FAM13A: variants seen among roughly 807,000 people sequenced by gnomAD.
FAM13A encodes the protein protein FAM13A.
Under a neutral mutation model 129.6 loss-of-function variants are expected in FAM13A, and 76 were observed. The observed-to-expected ratio is 0.59, with a 90% CI of 0.49 to 0.71. The LOEUF (loss-of-function observed/expected upper bound fraction) is 0.71. FAM13A is among the 30% of genes least tolerant of loss of function. FAM13A has a pLI of 0.00. For synonymous variants in FAM13A, 443 were observed against 449.9 expected (o/e 0.98, Z 0.20); for missense variants, 1,108 against 1,249.3 (o/e 0.89, Z 1.70).
chr4:88,990,971 A>G lies in FAM13A; in HGVS notation c.605+2T>C, dbSNP rs775255593. On this transcript the variant is annotated splice_donor_variant, in intron 4 of 23. Transcript: ENST00000264344. LOFTEE classifies it high-confidence loss of function. ...ATTAACAGTAAAACTCCACTAACTT[A>G]CTGAAAGCAATTTGGCCCAAATACA... 9.9e-6 allele frequency: 16 copies of G among 1,612,478 alleles called. No homozygotes were observed. The Admixed American group carries it at 1.5e-4, about 15-fold the overall frequency.
At chr4:88,888,663 C>T (rs1370850556) in intron 6 of FAM13A, among the ~76,000 whole-genome samples, 1 of 151,960 alleles carries the variant, frequency 6.6e-6, no homozygotes, top group Non-Finnish European at 1.5e-5. Context: ...CGGTGGCTCA[C>T]GCCTGTAATC....
intron 7 of FAM13A, among the ~76,000 whole-genome samples, chr4:88,807,467 T>C (rs1303485355): frequency 6.6e-6 from 1 of 152,194 alleles, no homozygotes; most frequent in African/African-American, 2.4e-5. Flanking sequence ...AGTCTCAGAG[T>C]GAGTACATAA....
intron 1 of FAM13A, among the ~76,000 whole-genome samples, chr4:89,044,984 C>G (rs1245836724): frequency 6.6e-6 from 1 of 151,994 alleles, no homozygotes; most frequent in Non-Finnish European, 1.5e-5. Context: ...ATAAAAAGTT[C>G]TTGAAATGGA....
At chr4:88,875,136 T>C (rs1167115090) in intron 6 of FAM13A, among the ~76,000 whole-genome samples, 1 of 152,138 alleles carries the variant, frequency 6.6e-6, no homozygotes, top group Admixed American at 6.5e-5. Flanking sequence ...ATACAAAAAT[T>C]AATTCAAGAT....
At chr4:88,999,223 C>T (rs998746750) in intron 3 of FAM13A, among the ~76,000 whole-genome samples, 1 of 152,132 alleles carries the variant, frequency 6.6e-6, no homozygotes, top group Non-Finnish European at 1.5e-5. Context: ...TAAATAGTAT[C>T]TCAGCATATT....
At chr4:89,056,544 A>C (rs541687699) in intron 1 of FAM13A, among the ~76,000 whole-genome samples, 43 of 152,342 alleles carry the variant, frequency 2.8e-4, no homozygotes, top group African/African-American at 8.2e-4. Flanking sequence ...ACACATACTC[A>C]AAAGTAATAA....
chr4:88,731,226 C>T (rs901778464), intron 23 of FAM13A, 101 bp downstream of exon 23: 8 of 654,262 alleles, frequency 1.2e-5, no homozygotes, highest in African/African-American at 5.5e-5. Context: ...CAGAAGAGTC[C>T]CCCCTTTGAA....
chr4:89,053,444 T>C (rs1253662570), intron 1 of FAM13A, among the ~76,000 whole-genome samples: 1 of 152,196 alleles, frequency 6.6e-6, no homozygotes, highest in Admixed American at 6.5e-5. Flanking sequence ...CTTCTTGCTG[T>C]GATTTAAGTT....
chr4:88,962,211 C>CT (rs750151964), intron 4 of FAM13A, among the ~76,000 whole-genome samples: 2 of 151,678 alleles, frequency 1.3e-5, no homozygotes, highest in Non-Finnish European at 2.9e-5. Flanking sequence ...TTTGAGTCTC[C>CT]TTTTAATAGA....
chr4:88,760,460 C>T (rs1169769107), intron 13 of FAM13A, among the ~76,000 whole-genome samples: 2 of 77,852 alleles, frequency 2.6e-5, no homozygotes, highest in African/African-American at 6.8e-5. Flanking sequence ...AAAAATTAGC[C>T]GGGCGTGGTG....
chr4:88,980,587 AAATAT>A (rs398092595), intron 4 of FAM13A, among the ~76,000 whole-genome samples: 1 of 81,088 alleles, frequency 1.2e-5, no homozygotes, highest in Non-Finnish European at 2.6e-5. Flanking sequence ...TATCAATAAC[AAATAT>A]AATTATGCTA....
In FAM13A at chr4:89,025,256, T is replaced by TTTTG. The variant is rs1178876670; in HGVS notation, c.217+4203_217+4204insCAAA. On this transcript the variant is annotated intron_variant, in intron 2 of 23. Transcript: ENST00000264344. ...ACCATGGAATCATTGTTTTTTTTTT[T>TTTTG]TTTTTTTTTTTTTTTTTTTGAGACG... Among the ~76,000 whole-genome samples, 165 of 83,518 alleles carry TTTTG rather than the reference T, an allele frequency of 2.0e-3. 5 individuals carry two copies. The highest frequency in any genetic ancestry group is 0.01 in the Middle Eastern group (2 of 192). The allele number at this position is 83,518 out of a possible 152,430, so 54.8% of individuals were successfully genotyped here.
chr4:88,782,415 T>C (rs1723135026), intron 10 of FAM13A, among the ~76,000 whole-genome samples: 1 of 152,116 alleles, frequency 6.6e-6, no homozygotes, highest in Admixed American at 6.6e-5. Flanking sequence ...AGTGAGTTAA[T>C]GTACCTCCCT....
chr4:89,047,536 T>A (rs1215087052), intron 1 of FAM13A, among the ~76,000 whole-genome samples: 2 of 152,134 alleles, frequency 1.3e-5, no homozygotes, highest in Non-Finnish European at 2.9e-5. Flanking sequence ...TAGAAATTGA[T>A]CAGAGATATA....
At chr4:88,904,657 T>C (rs1298594271) in intron 6 of FAM13A, among the ~76,000 whole-genome samples, 1 of 152,074 alleles carries the variant, frequency 6.6e-6, no homozygotes, top group Non-Finnish European at 1.5e-5. Context: ...GGATACCTAA[T>C]GGATGCTGGG....
chr4:89,039,683 G>C (rs79934588), intron 1 of FAM13A, among the ~76,000 whole-genome samples: 1 of 152,076 alleles, frequency 6.6e-6, no homozygotes, highest in African/African-American at 2.4e-5. Flanking sequence ...GATCACTTGA[G>C]GCAAGGAGTT....
At chr4:88,935,156 G>A (rs1054426664) in intron 5 of FAM13A, among the ~76,000 whole-genome samples, 5 of 152,226 alleles carry the variant, frequency 3.3e-5, no homozygotes, top group African/African-American at 1.2e-4. Context: ...ACTGACCAGA[G>A]TCAGCTGAAC....
chr4:88,941,029 T>C (rs773857974), intron 4 of FAM13A, among the ~76,000 whole-genome samples: 2 of 152,114 alleles, frequency 1.3e-5, no homozygotes, highest in African/African-American at 2.4e-5. Flanking sequence ...CAAACATGAG[T>C]AGTTTCATTA....
At chr4:88,895,631 AAAG>A in intron 6 of FAM13A, among the ~76,000 whole-genome samples, 1 of 145,416 alleles carries the variant, frequency 6.9e-6, no homozygotes, top group Non-Finnish European at 1.5e-5. Flanking sequence ...ACACTTCTCA[AAAG>A]AAGACATTTA....
Sources: gnomAD v4.1 joint callset for allele counts (sites outside exome capture counted in the v4.1 genomes callset) on GRCh38, gnomAD v4.1.1 for gene constraint, MANE v1.5 for transcripts, NCBI Gene and HGNC (gene_info 2026-07-23, HGNC 2026-07-21) for gene names.